Variants in LUZP2 observed in about 807,000 individuals in gnomAD.
LUZP2 encodes the protein leucine zipper protein 2.
LUZP2 carries 52 observed loss-of-function variants against 51.6 expected under a neutral mutation model. That is an observed-to-expected ratio of 1.01 (90% CI 0.81 to 1.27). The LOEUF (loss-of-function observed/expected upper bound fraction) is 1.27. LUZP2 is among the 50% of genes most tolerant of loss of function. LUZP2 has a pLI of 0.00. For synonymous variants in LUZP2, 154 were observed against 137.3 expected (o/e 1.12, Z -0.85); for missense variants, 436 against 395.4 (o/e 1.10, Z -0.87).
intron 1 of LUZP2, among the ~76,000 whole-genome samples, chr11:24,502,143 AAGGTTAGCCTGTAC>A (rs142058607): frequency 3.4e-4 from 52 of 151,416 alleles, no homozygotes; most frequent in African/African-American, 8.6e-4. Flanking sequence ...GTACTCAACA[AAGGTTAGCCTGTAC>A]AGTTATTATG....
chr11:24,711,655 T>C (rs1192479727), intron 1 of LUZP2, among the ~76,000 whole-genome samples: 1 of 152,122 alleles, frequency 6.6e-6, no homozygotes, highest in Non-Finnish European at 1.5e-5. Context: ...ATTTAAAATT[T>C]GTAATTTGAT....
chr11:24,873,525 T>A (rs531037576), intron 5 of LUZP2, among the ~76,000 whole-genome samples: 2 of 152,132 alleles, frequency 1.3e-5, no homozygotes, highest in Non-Finnish European at 2.9e-5. Flanking sequence ...AGATAACCCT[T>A]TGACTTCAGA....
intron 4 of LUZP2, among the ~76,000 whole-genome samples, chr11:24,755,091 G>A (rs1037677619): frequency 9.9e-5 from 15 of 151,996 alleles, no homozygotes; most frequent in African/African-American, 3.6e-4. Flanking sequence ...GTTGCAGTGA[G>A]CCAAGATCAT....
At chr11:24,568,355 G>GAAAAAA (rs35908367) in intron 1 of LUZP2, among the ~76,000 whole-genome samples, 1 of 127,248 alleles carries the variant, frequency 7.9e-6, no homozygotes. Context: ...ATCTGTCTCA[G>GAAAAAA]AAAAAAAAAA....
intron 5 of LUZP2, among the ~76,000 whole-genome samples, chr11:24,889,444 T>A (rs1052109723): frequency 6.6e-6 from 1 of 152,220 alleles, no homozygotes; most frequent in African/African-American, 2.4e-5. Context: ...TATTCTCAGA[T>A]AAACTATGTG....
intron 7 of LUZP2, among the ~76,000 whole-genome samples, chr11:24,956,952 A>G (rs1855229218): frequency 6.6e-6 from 1 of 152,124 alleles, no homozygotes; most frequent in Admixed American, 6.5e-5. Context: ...AAACACCAAC[A>G]TTTTTGCTAA....
chr11:24,866,154 G>A (rs1033586418), intron 5 of LUZP2, among the ~76,000 whole-genome samples: 5 of 73,638 alleles, frequency 6.8e-5, no homozygotes, highest in African/African-American at 1.5e-4. Flanking sequence ...ACACACACAC[G>A]TATATATTTA....
At chr11:24,971,561 A>T (rs916466335) in intron 7 of LUZP2, among the ~76,000 whole-genome samples, 7 of 152,156 alleles carry the variant, frequency 4.6e-5, no homozygotes, top group Non-Finnish European at 1.5e-5. Flanking sequence ...GATGGGATCT[A>T]TATTGCAAAC....
rs1854761418 is a variant in LUZP2, at chr11:24,628,458, C to CT, written c.63-100704dup. On this transcript the variant is annotated intron_variant, in intron 1 of 11. Coordinates refer to ENST00000336930, the MANE Select transcript of LUZP2 (RefSeq NM_001009909.4). ...GATCATAGCTTTAATCCTTAAGATGCTTTTTTTCTTTTCCCGAGTTATGTG... is the reference window on the plus strand; with the variant it reads ...GATCATAGCTTTAATCCTTAAGATGCTTTTTTTTCTTTTCCCGAGTTATGTG... 1.3e-5 allele frequency among the ~76,000 whole-genome samples: 2 copies of CT among 152,102 alleles called. 1 individual carries two copies. Among genetic ancestry groups the CT allele is most frequent in the South Asian group, 4.1e-4 (2 of 4,830 alleles).
intron 9 of LUZP2, among the ~76,000 whole-genome samples, chr11:25,015,799 A>G (rs944504792): frequency 7.9e-5 from 12 of 151,830 alleles, no homozygotes; most frequent in Non-Finnish European, 1.5e-4. Context: ...TTCTTGTCCA[A>G]TTGTTTTTCA....
intron 9 of LUZP2, among the ~76,000 whole-genome samples, chr11:24,991,396 G>GTGTGTGTATA (rs1398115496): frequency 1.6e-4 from 20 of 124,978 alleles, no homozygotes; most frequent in African/African-American, 5.3e-4. Flanking sequence ...GTGTGTGTGT[G>GTGTGTGTATA]TATATATATA....
intron 1 of LUZP2, among the ~76,000 whole-genome samples, chr11:24,599,530 C>T (rs1322976506): frequency 1.3e-5 from 2 of 152,146 alleles, no homozygotes; most frequent in Non-Finnish European, 2.9e-5. Flanking sequence ...CATTGTTCTG[C>T]CACAGTATCT....
intron 7 of LUZP2, among the ~76,000 whole-genome samples, chr11:24,967,581 T>TC (rs1326375297): frequency 6.6e-6 from 1 of 152,004 alleles, no homozygotes; most frequent in Non-Finnish European, 1.5e-5. Context: ...AAACTTTTTT[T>TC]CTCTTCACTG....
At chr11:24,555,969 G>A (rs1380887995) in intron 1 of LUZP2, among the ~76,000 whole-genome samples, 1 of 152,030 alleles carries the variant, frequency 6.6e-6, no homozygotes, top group Non-Finnish European at 1.5e-5. Context: ...CAGAGCAAGA[G>A]CCTGTCTCAA....
At chr11:24,709,369 A>G (rs1480662718) in intron 1 of LUZP2, among the ~76,000 whole-genome samples, 3 of 152,178 alleles carry the variant, frequency 2.0e-5, no homozygotes, top group Non-Finnish European at 2.9e-5. Flanking sequence ...AGTGTATACA[A>G]AGACATGGGG....
At chr11:24,860,664 C>A (rs1046019606) in intron 5 of LUZP2, among the ~76,000 whole-genome samples, 2 of 152,076 alleles carry the variant, frequency 1.3e-5, no homozygotes, top group East Asian at 1.9e-4. Flanking sequence ...ATGAATAGGG[C>A]CCGAAGTGAA....
At position 24,517,218 on chromosome 11, in the gene LUZP2, G is replaced by A. The variant is rs188111491; in HGVS notation, c.62+19913G>A. Among the ~76,000 whole-genome samples the A allele has an allele frequency of 3.3e-5, 5 of 152,040 alleles. No homozygotes were observed. In the East Asian group the frequency reaches 7.8e-4, roughly 24 times the overall value. On this transcript the variant is annotated intron_variant, in intron 1 of 11. Transcript: ENST00000336930. Reference sequence around the variant, plus strand: ...TTGTAGGTACAGGCCGGGCACGATGGTTCACGCCTGTAACCCCAGCACTTT... The same window carrying A: ...TTGTAGGTACAGGCCGGGCACGATGATTCACGCCTGTAACCCCAGCACTTT...
chr11:24,783,990 A>T (rs1439992333), intron 5 of LUZP2, among the ~76,000 whole-genome samples: 1 of 151,974 alleles, frequency 6.6e-6, no homozygotes, highest in Non-Finnish European at 1.5e-5. Context: ...AAGAATTTCA[A>T]TTGAAACTAG....
chr11:24,587,290 T>C (rs1853100431), intron 1 of LUZP2, among the ~76,000 whole-genome samples: 1 of 149,186 alleles, frequency 6.7e-6, no homozygotes. Flanking sequence ...GAGGTATTAA[T>C]TTGGGATTGT....
Sources: allele counts gnomAD v4.1 joint callset (sites outside exome capture counted in the v4.1 genomes callset), GRCh38; gene constraint gnomAD v4.1.1; transcripts MANE v1.5; gene names NCBI Gene and HGNC (gene_info 2026-07-23, HGNC 2026-07-21).